KDM4C: variants seen among roughly 807,000 people sequenced by gnomAD.
The protein encoded by KDM4C is lysine-specific demethylase 4C.
Under a neutral mutation model 129.3 loss-of-function variants are expected in KDM4C, and 81 were observed. The observed-to-expected ratio is 0.63, with a 90% CI of 0.52 to 0.75. The LOEUF (loss-of-function observed/expected upper bound fraction) is 0.75. Ranked by LOEUF, KDM4C falls within the 30% of genes least tolerant of loss-of-function variation. The pLI, the probability that KDM4C is intolerant of heterozygous loss-of-function variation, is 0.00. For missense variants in KDM4C, 1,457 were observed against 1,304.0 expected (o/e 1.12, Z -1.81); for synonymous variants, 573 against 456.1 (o/e 1.26, Z -3.26).
At chr9:6,770,856 A>G (rs1353512687) in intron 1 of KDM4C, among the ~76,000 whole-genome samples, 1 of 148,052 alleles carries the variant, frequency 6.8e-6, no homozygotes, top group African/African-American at 2.5e-5. Context: ...GCTCACTGCA[A>G]CCTCTGCCTC....
chr9:7,125,919 C>T (rs1329666277), intron 18 of KDM4C, among the ~76,000 whole-genome samples: 1 of 152,200 alleles, frequency 6.6e-6, no homozygotes, highest in Non-Finnish European at 1.5e-5. Context: ...GTCTTGAGAG[C>T]AGACTTTGGC....
chr9:7,146,938 A>T (rs1440419127), intron 19 of KDM4C, among the ~76,000 whole-genome samples: 1 of 152,176 alleles, frequency 6.6e-6, no homozygotes, highest in Non-Finnish European at 1.5e-5. Context: ...TTTTAATCCC[A>T]AAGGTGGCCT....
rs187134080 is a variant in KDM4C at position 6,880,143 on chromosome 9, T to C, written c.679+82T>C. 240 of 809,300 alleles carry C rather than the reference T, an allele frequency of 3.0e-4. 1 individual carries two copies. Among genetic ancestry groups the C allele is most frequent in the Non-Finnish European group, 8.4e-5 (41 of 489,890 alleles). The allele number at this position is 809,300 out of a possible 1,614,324, so 50.1% of individuals were successfully genotyped here. On this transcript the variant is annotated intron_variant, in intron 6 of 21. Coordinates refer to ENST00000381309, the MANE Select transcript of KDM4C (RefSeq NM_015061.6). ...GGTTCTTTGTTTTTGAGGTACTTTT[T>C]ACAATATAGACCGTTACTCTGTTGG...
intron 8 of KDM4C, among the ~76,000 whole-genome samples, chr9:6,968,540 T>G (rs368439871): frequency 2.6e-5 from 4 of 152,306 alleles, no homozygotes; most frequent in African/African-American, 9.6e-5. Flanking sequence ...TTAAACTGTT[T>G]CCACATATTT....
chr9:6,728,345 C>A (rs950402691), intron 1 of KDM4C, among the ~76,000 whole-genome samples: 1 of 151,698 alleles, frequency 6.6e-6, no homozygotes, highest in African/African-American at 2.4e-5. Context: ...ACCAGCCTGG[C>A]CAACATGGTG....
In KDM4C at chr9:7,125,597, T is replaced by C. The variant is rs112484807; in HGVS notation, c.2611-2469T>C. On this transcript the variant is annotated intron_variant, in intron 18 of 21. Transcript: ENST00000381309. ...ATAACACTCTGTACACTACAAGGTG[T>C]TTTAGCTTTTTTGAAATTCACGGGG... is the stretch of plus-strand genomic sequence containing the variant. Among the ~76,000 whole-genome samples the C allele has an allele frequency of 7.4e-3, 1,133 of 152,330 alleles. 14 individuals carry two copies. The highest frequency in any genetic ancestry group is 0.026 in the African/African-American group (1,084 of 41,566).
intron 4 of KDM4C, among the ~76,000 whole-genome samples, chr9:6,830,383 C>T (rs1380307008): frequency 6.6e-6 from 1 of 152,122 alleles, no homozygotes; most frequent in Non-Finnish European, 1.5e-5. Context: ...GCTTCCCACA[C>T]CCCAGCATCC....
At chr9:7,171,913 G>C (rs1272488539) in intron 21 of KDM4C, among the ~76,000 whole-genome samples, 1 of 152,076 alleles carries the variant, frequency 6.6e-6, no homozygotes, top group East Asian at 1.9e-4. Context: ...GAGCGGCTAA[G>C]CCAAGTAGAA....
intron 8 of KDM4C, among the ~76,000 whole-genome samples, chr9:6,911,317 A>G (rs926247412): frequency 2.6e-5 from 4 of 152,214 alleles, no homozygotes; most frequent in Admixed American, 2.6e-4. Flanking sequence ...TAGAGTTTCC[A>G]TAATTTGCTA....
At chr9:7,128,009 C>T in intron 18 of KDM4C, 57 bp from the exon 19 acceptor site, 2 of 1,273,680 alleles carry the variant, frequency 1.6e-6, no homozygotes, top group African/African-American at 1.5e-5. Flanking sequence ...TATTTTACGT[C>T]CTTTCTTTTC....
chr9:7,021,111 C>CATAT (rs201794836), intron 15 of KDM4C, among the ~76,000 whole-genome samples: 2 of 138,814 alleles, frequency 1.4e-5, no homozygotes, highest in African/African-American at 2.8e-5. Flanking sequence ...TTTGTACATA[C>CATAT]ATATATATAT....
At chr9:6,872,588 T>G (rs1030799090) in intron 5 of KDM4C, among the ~76,000 whole-genome samples, 1 of 152,378 alleles carries the variant, frequency 6.6e-6, no homozygotes, top group East Asian at 1.9e-4. Flanking sequence ...GAGTTCGCTC[T>G]TCTTGTTGCA....
At chr9:6,800,690 G>C (rs1228176856) in intron 2 of KDM4C, among the ~76,000 whole-genome samples, 2 of 152,168 alleles carry the variant, frequency 1.3e-5, no homozygotes, top group Non-Finnish European at 2.9e-5. Flanking sequence ...GCAGTGGTGT[G>C]ATCTTGGCTC....
At chr9:7,078,468 T>C (rs1346318636) in intron 17 of KDM4C, among the ~76,000 whole-genome samples, 1 of 152,088 alleles carries the variant, frequency 6.6e-6, no homozygotes, top group Non-Finnish European at 1.5e-5. Context: ...GGACACATTT[T>C]TCTTATTAAT....
chr9:7,143,681 A>G (rs1841969576), intron 19 of KDM4C, among the ~76,000 whole-genome samples: 1 of 152,228 alleles, frequency 6.6e-6, no homozygotes, highest in South Asian at 2.1e-4. Flanking sequence ...CATTAAGAAT[A>G]TTTTGATTTG....
chr9:6,848,955 A>C (rs1346094412), intron 4 of KDM4C, among the ~76,000 whole-genome samples: 2 of 152,210 alleles, frequency 1.3e-5, no homozygotes, highest in Non-Finnish European at 1.5e-5. Flanking sequence ...TTTTTCCAAT[A>C]ATTAGAGTGG....
chr9:6,945,445 T>C (rs1045908198), intron 8 of KDM4C, among the ~76,000 whole-genome samples: 1 of 152,170 alleles, frequency 6.6e-6, no homozygotes, highest in African/African-American at 2.4e-5. Flanking sequence ...GTATTTTTTG[T>C]TGATATTTAT....
chr9:6,769,611 A>C (rs1029154249), intron 1 of KDM4C, among the ~76,000 whole-genome samples: 4 of 149,348 alleles, frequency 2.7e-5, no homozygotes, highest in African/African-American at 9.8e-5. Context: ...GAACCAAGCA[A>C]ATGCAAGACT....
At chr9:7,026,182 G>A (rs1310984053) in intron 15 of KDM4C, among the ~76,000 whole-genome samples, 2 of 151,408 alleles carry the variant, frequency 1.3e-5, no homozygotes, top group African/African-American at 2.4e-5. Context: ...TCCAGCCTGG[G>A]TGACAGAGCG....
Sources: allele counts gnomAD v4.1 joint callset (sites outside exome capture counted in the v4.1 genomes callset), GRCh38; gene constraint gnomAD v4.1.1; transcripts MANE v1.5; gene names NCBI Gene and HGNC (gene_info 2026-07-23, HGNC 2026-07-21).